RAP1B: variants seen among roughly 807,000 people sequenced by gnomAD.
The protein encoded by RAP1B is ras-related protein Rap-1b.
RAP1B carries 1 observed loss-of-function variant against 27.5 expected under a neutral mutation model. The ratio of observed to expected loss-of-function variants is 0.04; its 90% CI spans 0.01 to 0.17. RAP1B has a LOEUF of 0.17. Ranked by LOEUF, RAP1B falls within the 10% of genes least tolerant of loss-of-function variation. RAP1B has a pLI of 1.00. For synonymous variants in RAP1B, 75 were observed against 73.1 expected (o/e 1.03, Z -0.13); for missense variants, 84 against 214.8 (o/e 0.39, Z 3.81).
rs1255124910 is a variant in RAP1B at position 68,662,685 on chromosome 12, C to T, written c.*3436C>T. 2 of 152,092 alleles carry T rather than the reference C, an allele frequency of 1.3e-5. No individual in the cohort carries two copies. Among genetic ancestry groups the T allele is most frequent in the East Asian group, 1.9e-4 (1 of 5,194 alleles). 9.4% of individuals were successfully genotyped at this position (152,092 alleles called of 1,614,324 possible). A position where few individuals can be genotyped will look rare whatever the true frequency, so the allele number is the denominator to read the frequency against. On this transcript the variant is annotated 3_prime_UTR_variant, in exon 8 of 8. Coordinates refer to ENST00000250559, the MANE Select transcript of RAP1B (RefSeq NM_001010942.3). Reference sequence around the variant, plus strand: ...TAGTGTTTTACAATTAATACTCTTACTATTACCTTAGAAGCCTTAAAAGTG... The same window carrying T: ...TAGTGTTTTACAATTAATACTCTTATTATTACCTTAGAAGCCTTAAAAGTG...
intron 1 of RAP1B, among the ~76,000 whole-genome samples, chr12:68,644,444 C>T (rs1197705396): frequency 2.0e-5 from 3 of 151,672 alleles, no homozygotes; most frequent in Non-Finnish European, 2.9e-5. Context: ...ATTAGCTGGG[C>T]GTGATGGTGG....
At chr12:68,655,535 C>G (rs1300543217) in intron 5 of RAP1B, among the ~76,000 whole-genome samples, 1 of 125,596 alleles carries the variant, frequency 8.0e-6, no homozygotes, top group East Asian at 2.3e-4. Flanking sequence ...TTTTGATTGG[C>G]TTTTTTTTTT....
chr12:68,651,897 C>A (rs1873838507), intron 3 of RAP1B, 98 bp from the exon 4 acceptor site: 1 of 872,994 alleles, frequency 1.1e-6, no homozygotes, highest in South Asian at 1.7e-5. Flanking sequence ...TTGTTAAAAT[C>A]TGTGTGTCTT....
chr12:68,651,719 T>G, intron 3 of RAP1B: 1 of 369,798 alleles, frequency 2.7e-6, no homozygotes, highest in Non-Finnish European at 5.0e-6. Flanking sequence ...TCTCTAGAAT[T>G]AAGTGCTGAG....
At chr12:68,651,382 C>CA (rs758714080) in intron 3 of RAP1B, among the ~76,000 whole-genome samples, 68 of 146,570 alleles carry the variant, frequency 4.6e-4, no homozygotes, top group East Asian at 1.4e-3. Context: ...CATAGTCTAC[C>CA]AAAAAAAAAA....
Position 68,648,910 on chromosome 12 carries a change from T to G in RAP1B, c.57+129T>G, listed in dbSNP as rs3213921. ...TGACTTTAGAAGCAATATAATATTT[T>G]TCTTGTAATTTTATTCAACTTTTAA... On this transcript the variant is annotated intron_variant, in intron 2 of 7. Coordinates refer to ENST00000250559, the MANE Select transcript of RAP1B (RefSeq NM_001010942.3). The G allele has an allele frequency of 0.28, 228,784 of 827,046 alleles. 34,806 individuals carry two copies. The highest frequency in any genetic ancestry group is 0.32 in the Non-Finnish European group (175,450 of 543,342). The allele number at this position is 827,046 out of a possible 1,614,324, so 51.2% of individuals were successfully genotyped here. A position where few individuals can be genotyped will look rare whatever the true frequency, so the allele number is the denominator to read the frequency against.
At chr12:68,637,085 A>G (rs1213337203) in intron 1 of RAP1B, among the ~76,000 whole-genome samples, 12 of 152,238 alleles carry the variant, frequency 7.9e-5, no homozygotes, top group Non-Finnish European at 4.4e-5. Flanking sequence ...TCTTCTTTTA[A>G]AAGTCTATAT....
intron 1 of RAP1B, chr12:68,627,370 C>T (rs1322422495): frequency 1.5e-6 from 1 of 673,506 alleles, no homozygotes; most frequent in Non-Finnish European, 2.7e-6. Flanking sequence ...GCTTAATAGG[C>T]TGCAGCAGGG....
intron 5 of RAP1B, among the ~76,000 whole-genome samples, chr12:68,655,768 T>C (rs1322855000): frequency 1.3e-5 from 2 of 152,182 alleles, no homozygotes; most frequent in African/African-American, 4.8e-5. Flanking sequence ...ACTCCTGACC[T>C]CAGGTGATCC....
At chr12:68,634,556 T>C (rs982640905) in intron 1 of RAP1B, among the ~76,000 whole-genome samples, 2 of 152,158 alleles carry the variant, frequency 1.3e-5, no homozygotes, top group Non-Finnish European at 2.9e-5. Flanking sequence ...TGATAGAAAC[T>C]AATAAGGTGA....
chr12:68,657,566 G>A (rs989898651), intron 7 of RAP1B: 16 of 160,334 alleles, frequency 1.0e-4, no homozygotes, highest in South Asian at 5.2e-4. Flanking sequence ...CACCACGCCC[G>A]GCTAGTTTTT....
rs756552289 is a variant in RAP1B at position 68,652,065 on chromosome 12, A to G, written c.183+14A>G. ...ACTGCAGGAACGGTAGGTAAAACTA[A>G]ATACCAAAGTATATACACCGTTTGT... On this transcript the variant is annotated intron_variant, in intron 4 of 7. Coordinates refer to ENST00000250559, the MANE Select transcript of RAP1B (RefSeq NM_001010942.3). 21 of 1,592,238 alleles carry G rather than the reference A, an allele frequency of 1.3e-5. No individual in the cohort carries two copies. The South Asian group carries it at 1.7e-4, about 13-fold the overall frequency.
chr12:68,632,144 TTGTTTG>T lies in RAP1B; in HGVS notation c.-26-16553_-26-16548del, dbSNP rs1305320885. Among the ~76,000 whole-genome samples the T allele has an allele frequency of 5.3e-3, 611 of 115,890 alleles. 5 individuals are homozygous for T. Among genetic ancestry groups the T allele is most frequent in the East Asian group, 0.014 (43 of 3,170 alleles). 76.0% of individuals were successfully genotyped at this position (115,890 alleles called of 152,430 possible). On this transcript the variant is annotated intron_variant, in intron 1 of 7. Transcript: ENST00000250559. ...TTTTGGATTTGTTTTTTTTTTTTTT[TTGTTTG>T]TTTTTTTTTTCCAGACTGTTTGGCT...
At chr12:68,657,725 AACACACACAC>A (rs61700927) in intron 7 of RAP1B, 14,533 of 126,176 alleles carry the variant, frequency 0.12, 1,002 homozygotes, top group South Asian at 0.27. Flanking sequence ...CCTAATTTAA[AACACACACAC>A]ACACACACAC....
intron 1 of RAP1B, among the ~76,000 whole-genome samples, chr12:68,639,909 C>T (rs532145090): frequency 1.7e-3 from 264 of 151,732 alleles, no homozygotes; most frequent in African/African-American, 6.0e-3. Context: ...GGCACAATCT[C>T]AGCTCACTGT....
At chr12:68,623,353 A>C (rs1302713812) in intron 1 of RAP1B, among the ~76,000 whole-genome samples, 2 of 152,210 alleles carry the variant, frequency 1.3e-5, no homozygotes, top group African/African-American at 4.8e-5. Context: ...TTAGATTAAC[A>C]GTGAATTACA....
chr12:68,641,867 A>C (rs1016040923), intron 1 of RAP1B, among the ~76,000 whole-genome samples: 1 of 152,024 alleles, frequency 6.6e-6, no homozygotes, highest in Admixed American at 6.6e-5. Flanking sequence ...TTCTTTAGAA[A>C]TTTAATTGAT....
chr12:68,643,042 C>G (rs1474996631), intron 1 of RAP1B: 3 of 720,198 alleles, frequency 4.2e-6, no homozygotes, highest in Non-Finnish European at 7.6e-6. Context: ...CTGCAGCCGC[C>G]TTTAACTTCT....
intron 1 of RAP1B, among the ~76,000 whole-genome samples, chr12:68,635,612 C>T (rs1043518484): frequency 1.7e-4 from 26 of 152,062 alleles, no homozygotes; most frequent in Non-Finnish European, 5.9e-5. Flanking sequence ...CCCGCCACCT[C>T]ACCCAGCCAA....
Sources: gnomAD v4.1 joint callset for allele counts (sites outside exome capture counted in the v4.1 genomes callset) on GRCh38, gnomAD v4.1.1 for gene constraint, MANE v1.5 for transcripts, NCBI Gene and HGNC (gene_info 2026-07-23, HGNC 2026-07-21) for gene names.